TRIM49C: variants seen among roughly 807,000 people sequenced by gnomAD.
The protein encoded by TRIM49C is tripartite motif-containing protein 49C.
In TRIM49C, 6 loss-of-function variants were observed where a neutral mutation model predicts 21.4. That is an observed-to-expected ratio of 0.28 (90% CI 0.15 to 0.55). TRIM49C has a LOEUF of 0.55. Among genes scored for constraint, TRIM49C ranks in the 20% least tolerant of loss-of-function variants. The pLI is 0.94. For synonymous variants in TRIM49C, 57 were observed against 148.1 expected, an observed-to-expected ratio of 0.38 and a Z score of 4.47; for missense variants, 161 against 442.4, an observed-to-expected ratio of 0.36 and a Z score of 5.71.
the TRIM49C span, among the ~76,000 whole-genome samples, chr11:90,070,798 C>CTTTG: frequency 8.5e-4 from 121 of 141,660 alleles, 7 homozygotes; most frequent in African/African-American, 2.9e-3. Context: ...TTCTTTGATT[C>CTTTG]TTTGTTTGTT....
chr11:90,052,157 C>T, the TRIM49C span: 1 of 389,168 alleles, frequency 2.6e-6, no homozygotes, highest in Non-Finnish European at 4.5e-6. Context: ...GGCAGCGGGG[C>T]AGGTGGGAGG....
downstream of TRIM49C, among the ~76,000 whole-genome samples, chr11:90,043,107 G>A (rs1403347063): frequency 2.9e-5 from 4 of 138,182 alleles, no homozygotes; most frequent in Admixed American, 7.6e-5. Context: ...GACCCAAAAT[G>A]TCAAATAATG....
At chr11:90,045,849 G>A (rs1369093416), downstream of TRIM49C, among the ~76,000 whole-genome samples, 10 of 120,690 alleles carry the variant, frequency 8.3e-5, 2 homozygotes, top group Non-Finnish European at 1.7e-4. Flanking sequence ...TCCCTGTCTT[G>A]CACCACTTTT....
the TRIM49C span, among the ~76,000 whole-genome samples, chr11:90,048,781 C>T: frequency 9.6e-5 from 12 of 125,566 alleles, 3 homozygotes; most frequent in Non-Finnish European, 2.0e-4. Flanking sequence ...AAATCATTCT[C>T]CATCCAGCTT....
chr11:90,066,059 C>T, the TRIM49C span, among the ~76,000 whole-genome samples: 2 of 138,738 alleles, frequency 1.4e-5, no homozygotes, highest in African/African-American at 5.2e-5. Flanking sequence ...CTTGCTCTGT[C>T]GCCCAGGCTG....
intron 2 of TRIM49C, among the ~76,000 whole-genome samples, chr11:90,033,879 G>T (rs112313451): frequency 8.1e-6 from 1 of 124,160 alleles, no homozygotes. Flanking sequence ...CCTGGAGGCG[G>T]AGGTTACAGT....
the TRIM49C span, among the ~76,000 whole-genome samples, chr11:90,070,825 C>A: frequency 7.1e-6 from 1 of 141,546 alleles, no homozygotes; most frequent in African/African-American, 2.5e-5. Flanking sequence ...GAGACAGAGT[C>A]TTCTGTCAAC....
chr11:90,052,958 C>G, the TRIM49C span: 2 of 141,048 alleles, frequency 1.4e-5, no homozygotes, highest in Admixed American at 7.6e-5. Flanking sequence ...CTCCTGGGGT[C>G]TGGGACTCTG....
chr11:90,073,266 T>G, the TRIM49C span: 1,897 of 1,080,424 alleles, frequency 1.8e-3, 255 homozygotes, highest in Non-Finnish European at 2.1e-3. Flanking sequence ...GTTGGTGTGT[T>G]TCTTAATTTT....
chr11:90,034,615 A>T lies in TRIM49C; in HGVS notation c.-4-593A>T, dbSNP rs200812474. On this transcript the variant is annotated intron_variant, in intron 2 of 7. Coordinates refer to ENST00000448984, the MANE Select transcript of TRIM49C (RefSeq NM_001195234.1). Reference sequence around the variant, plus strand: ...TTTATTTGGTTGGTTGGCTTTTTTTAAATTTTGTTTTGATTTGGGTCTTTG... The same window carrying T: ...TTTATTTGGTTGGTTGGCTTTTTTTTAATTTTGTTTTGATTTGGGTCTTTG... 5.8e-4 allele frequency among the ~76,000 whole-genome samples: 67 copies of T among 115,914 alleles called. 6 individuals carry two copies. Among genetic ancestry groups the T allele is most frequent in the African/African-American group, 1.9e-3 (49 of 25,920 alleles). 76.0% of individuals were successfully genotyped at this position (115,914 alleles called of 152,430 possible).
rs751749185 is a variant in TRIM49C at position 90,041,264 on chromosome 11, G to A, written c.1073G>A (p.Cys358Tyr). The change falls in exon 8 of 8, where the codon TGT becomes TAT. Residue 358 changes from cysteine (C) to tyrosine (Y), a missense_variant. Physicochemically the swap from Cys to Tyr is radical, Grantham distance 194 (BLOSUM62 -2). This residue lies in a region of TRIM49C where 63 missense variants were observed against 67.6 expected (regional missense o/e 0.93). Transcript: ENST00000448984. ...TCCTGGAATTGGGCTTTTGGTGTCT[G>A]TAATATGTATCGGAAGGAGAAGAAT... Reference protein sequence around the residue: ...GDSWNWAFGVCNMYRKEKNQN... With the variant: ...GDSWNWAFGVYNMYRKEKNQN... The A allele has an allele frequency of 8.2e-6, 13 of 1,576,016 alleles. No homozygotes were observed. Among genetic ancestry groups the A allele is most frequent in the Middle Eastern group, 3.4e-4 (2 of 5,916 alleles).
chr11:90,046,951 G>C (rs181567894), downstream of TRIM49C, among the ~76,000 whole-genome samples: 828 of 125,062 alleles, frequency 6.6e-3, 181 homozygotes, highest in African/African-American at 0.026. Flanking sequence ...GTGTCCCAGA[G>C]ATTGCAGTGT....
Position 90,038,554 on chromosome 11 carries a change from G to A in TRIM49C, c.739-139G>A, listed in dbSNP as rs1244799133. 5.5e-6 allele frequency: 7 copies of A among 1,264,394 alleles called. 1 individual carries two copies. Among genetic ancestry groups the A allele is most frequent in the Non-Finnish European group, 7.4e-6 (7 of 946,794 alleles). The allele number at this position is 1,264,394 out of a possible 1,614,324, so 78.3% of individuals were successfully genotyped here. A position where few individuals can be genotyped will look rare whatever the true frequency, so the allele number is the denominator to read the frequency against. On this transcript the variant is annotated intron_variant, in intron 5 of 7. Coordinates refer to ENST00000448984, the MANE Select transcript of TRIM49C (RefSeq NM_001195234.1). ...ACTGACTGGGTTTTTCATTACAGAA[G>A]AAATAGAAAATACTTTCCAGAAGAG...
intron 4 of TRIM49C, among the ~76,000 whole-genome samples, chr11:90,036,671 G>T (rs1201612902): frequency 7.2e-6 from 1 of 138,202 alleles, no homozygotes; most frequent in Non-Finnish European, 1.6e-5. Flanking sequence ...GCTAAGATTA[G>T]TTTGTTGAAA....
the TRIM49C span, chr11:90,062,908 C>T: frequency 7.0e-7 from 1 of 1,429,798 alleles, no homozygotes; most frequent in Non-Finnish European, 9.3e-7. Context: ...AAGCTGTGCC[C>T]ACAGTCAATG....
chr11:90,031,548 G>C (rs1173081032), intron 1 of TRIM49C, among the ~76,000 whole-genome samples: 1 of 146,328 alleles, frequency 6.8e-6, no homozygotes, highest in Non-Finnish European at 1.5e-5. Flanking sequence ...CTGTATTTGT[G>C]AATTTGCCTA....
chr11:90,070,939 A>G, the TRIM49C span, among the ~76,000 whole-genome samples: 8 of 139,600 alleles, frequency 5.7e-5, 1 homozygote, highest in African/African-American at 2.0e-4. Context: ...GACTAAAAGC[A>G]TGCACCACCA....
the TRIM49C span, among the ~76,000 whole-genome samples, chr11:90,070,937 G>C: frequency 1.4e-5 from 2 of 139,698 alleles, no homozygotes; most frequent in Non-Finnish European, 3.1e-5. Context: ...GGGACTAAAA[G>C]CATGCACCAC....
At position 90,035,612 on chromosome 11, in the gene TRIM49C, A is replaced by C; in HGVS notation, c.401A>C (p.Glu134Ala). 1.5e-6 allele frequency: 2 copies of C among 1,378,964 alleles called. No individual in the cohort carries two copies. The highest frequency in any genetic ancestry group is 1.9e-6 in the Non-Finnish European group (2 of 1,034,206). 85.4% of individuals were successfully genotyped at this position (1,378,964 alleles called of 1,614,324 possible). Reference sequence around the variant, plus strand: ...CACCGTCCCATTGAGTGGGCTGCTGAGGAACACCGGGTAAGTGATGGCTCT... The same window carrying C: ...CACCGTCCCATTGAGTGGGCTGCTGCGGAACACCGGGTAAGTGATGGCTCT... ...HRHRPIEWAA[E>A]EHREKLLQKM... The change falls in exon 3 of 8, where the codon GAG becomes GCG. Residue 134 changes from glutamate (E) to alanine (A), a missense_variant. Physicochemically the swap from Glu to Ala is moderately radical, Grantham distance 107. This residue lies in a region of TRIM49C where 80 missense variants were observed against 314.8 expected (regional missense o/e 0.25). Transcript: ENST00000448984.
Sources: gnomAD v4.1 joint callset for allele counts (sites outside exome capture counted in the v4.1 genomes callset) on GRCh38, gnomAD v4.1.1 for gene constraint, gnomAD v4.1.1 regional missense constraint, MANE v1.5 for transcripts, NCBI Gene and HGNC (gene_info 2026-07-23, HGNC 2026-07-21) for gene names.